Variants in SYT1 observed in about 807,000 individuals in gnomAD.
SYT1 encodes synaptotagmin-1.
In SYT1, 8 loss-of-function variants were observed where a neutral mutation model predicts 44.8. The ratio of observed to expected loss-of-function variants is 0.18; its 90% CI spans 0.10 to 0.32. SYT1 has a LOEUF of 0.32. SYT1 is among the 10% of genes least tolerant of loss of function. SYT1 has a pLI of 1.00. For synonymous variants in SYT1, 154 were observed against 188.8 expected (o/e 0.82, Z 1.51); for missense variants, 286 against 509.3 (o/e 0.56, Z 4.22).
intron 1 of SYT1, among the ~76,000 whole-genome samples, chr12:78,908,649 G>A (rs966532282): frequency 6.6e-6 from 1 of 151,606 alleles, no homozygotes; most frequent in South Asian, 2.1e-4. Context: ...GTGGTTATTT[G>A]GTAATATTTC....
chr12:79,216,022 C>T (rs1377801710), intron 3 of SYT1, among the ~76,000 whole-genome samples: 1 of 142,866 alleles, frequency 7.0e-6, no homozygotes, highest in Non-Finnish European at 1.5e-5. Flanking sequence ...ACCTCTGCCT[C>T]CCGGGTTCAA....
chr12:79,125,550 G>A (rs1045513984), intron 3 of SYT1, among the ~76,000 whole-genome samples: 6 of 150,656 alleles, frequency 4.0e-5, no homozygotes, highest in Non-Finnish European at 8.9e-5. Context: ...ATCCTGGGAG[G>A]TGGAGACTGC....
intron 8 of SYT1, among the ~76,000 whole-genome samples, chr12:79,344,156 C>G (rs113503481): frequency 5.9e-5 from 9 of 152,312 alleles, no homozygotes; most frequent in African/African-American, 2.2e-4. Context: ...CATTTCACCT[C>G]CTTCAAATCC....
At chr12:79,388,769 TC>T (rs1328780105) in intron 9 of SYT1, among the ~76,000 whole-genome samples, 1 of 152,106 alleles carries the variant, frequency 6.6e-6, no homozygotes, top group East Asian at 1.9e-4. Context: ...ATTTCCATGT[TC>T]TACTCATAGA....
At chr12:79,429,880 C>G (rs1869676701) in intron 9 of SYT1, among the ~76,000 whole-genome samples, 1 of 152,162 alleles carries the variant, frequency 6.6e-6, no homozygotes, top group Non-Finnish European at 1.5e-5. Flanking sequence ...TTACAAAAGT[C>G]TACATATCAG....
intron 8 of SYT1, among the ~76,000 whole-genome samples, chr12:79,345,125 A>ACCGCTC (rs1882550357): frequency 6.6e-6 from 1 of 152,090 alleles, no homozygotes; most frequent in South Asian, 2.1e-4. Context: ...CTCCTCCAGG[A>ACCGCTC]CACCTATATG....
chr12:79,053,711 G>A (rs1565783950), intron 3 of SYT1, among the ~76,000 whole-genome samples: 1 of 150,526 alleles, frequency 6.6e-6, no homozygotes, highest in Non-Finnish European at 1.5e-5. Flanking sequence ...CAAACAATAA[G>A]TATTATTACA....
chr12:78,928,733 G>C (rs112214977), intron 1 of SYT1, among the ~76,000 whole-genome samples: 93 of 152,156 alleles, frequency 6.1e-4, no homozygotes, highest in African/African-American at 2.0e-3. Context: ...TCACATCCTG[G>C]GCCTGTAGGA....
intron 1 of SYT1, among the ~76,000 whole-genome samples, chr12:78,870,421 A>G (rs1350619140): frequency 6.6e-6 from 1 of 152,086 alleles, no homozygotes. Context: ...TTTTTTATCA[A>G]AGGGTATTAT....
chr12:79,177,026 A>G (rs1871918978), intron 3 of SYT1, among the ~76,000 whole-genome samples: 1 of 134,834 alleles, frequency 7.4e-6, no homozygotes, highest in Non-Finnish European at 1.6e-5. Context: ...CCATTGTAAA[A>G]GCATATTTCT....
chr12:79,159,229 C>T (rs781110219), intron 3 of SYT1, among the ~76,000 whole-genome samples: 9 of 152,098 alleles, frequency 5.9e-5, no homozygotes, highest in South Asian at 2.1e-4. Flanking sequence ...TTATAGAAAA[C>T]GCAAAATGTA....
intron 2 of SYT1, among the ~76,000 whole-genome samples, chr12:78,978,354 A>C (rs1868998000): frequency 6.6e-6 from 1 of 152,136 alleles, no homozygotes; most frequent in South Asian, 2.1e-4. Context: ...TTTTAGCACG[A>C]GTATTGGGTG....
intron 9 of SYT1, among the ~76,000 whole-genome samples, chr12:79,369,793 T>C (rs763644098): frequency 1.3e-5 from 2 of 152,228 alleles, no homozygotes; most frequent in Non-Finnish European, 2.9e-5. Flanking sequence ...TTGATTCTTG[T>C]AACTGTCACT....
At chr12:79,179,309 T>TATATAGATATAGATATAG (rs1410737065) in intron 3 of SYT1, among the ~76,000 whole-genome samples, 1 of 53,618 alleles carries the variant, frequency 1.9e-5, no homozygotes, top group African/African-American at 1.0e-4. Context: ...TAGATATATC[T>TATATAGATATAGATATAG]ATATAGATAT....
intron 1 of SYT1, among the ~76,000 whole-genome samples, chr12:78,918,874 A>C (rs531279797): frequency 6.6e-6 from 1 of 152,130 alleles, no homozygotes; most frequent in Non-Finnish European, 1.5e-5. Flanking sequence ...AGAAATGTTT[A>C]TGACATACTA....
At chr12:79,108,574 G>A (rs1331631111) in intron 3 of SYT1, among the ~76,000 whole-genome samples, 1 of 151,994 alleles carries the variant, frequency 6.6e-6, no homozygotes, top group East Asian at 1.9e-4. Flanking sequence ...AATGCAAAAG[G>A]GGAAATGAAA....
chr12:79,398,852 G>A (rs548532961), intron 9 of SYT1, among the ~76,000 whole-genome samples: 4 of 152,068 alleles, frequency 2.6e-5, no homozygotes, highest in Non-Finnish European at 4.4e-5. Context: ...TAATATCGGG[G>A]CCAAACAATT....
At chr12:78,892,185 A>G (rs1875094009) in intron 1 of SYT1, among the ~76,000 whole-genome samples, 1 of 151,806 alleles carries the variant, frequency 6.6e-6, no homozygotes, top group African/African-American at 2.4e-5. Context: ...ATACTTTGAT[A>G]AAAACCAGGT....
chr12:79,302,037 A>G (rs1353790386), intron 8 of SYT1, among the ~76,000 whole-genome samples: 1 of 152,182 alleles, frequency 6.6e-6, no homozygotes, highest in Non-Finnish European at 1.5e-5. Flanking sequence ...TATCTGCTCT[A>G]ACTTTTCATG....
Sources: gnomAD v4.1 joint callset for allele counts (sites outside exome capture counted in the v4.1 genomes callset) on GRCh38, gnomAD v4.1.1 for gene constraint, MANE v1.5 for transcripts, NCBI Gene and HGNC (gene_info 2026-07-23, HGNC 2026-07-21) for gene names.